Variants in DGKB observed in about 807,000 individuals in gnomAD.
DGKB encodes the protein diacylglycerol kinase beta.
Under a neutral mutation model 114.3 loss-of-function variants are expected in DGKB, and 67 were observed. The ratio of observed to expected loss-of-function variants is 0.59; its 90% confidence interval spans 0.48 to 0.72. DGKB has a LOEUF of 0.72. Among genes scored for constraint, DGKB ranks in the 30% least tolerant of loss-of-function variants. The pLI is 0.00. For synonymous variants in DGKB, 398 were observed against 323.1 expected, an observed-to-expected ratio of 1.23 and a Z score of -2.49; for missense variants, 907 against 975.2, an observed-to-expected ratio of 0.93 and a Z score of 0.93.
intron 23 of DGKB, among the ~76,000 whole-genome samples, chr7:14,275,893 C>T (rs917848896): frequency 7.2e-5 from 11 of 152,172 alleles, no homozygotes; most frequent in African/African-American, 1.4e-4. Context: ...TGACTTTGTA[C>T]AGTAGGTGAG....
At chr7:14,574,153 T>G (rs570481102) in intron 20 of DGKB, 59 bp downstream of exon 20, 1 of 1,345,020 alleles carries the variant, frequency 7.4e-7, no homozygotes, top group African/African-American at 1.5e-5. Context: ...AGTTTAAAAG[T>G]TTTCTCACTG....
Position 14,580,903 on chromosome 7 carries a change from C to T in DGKB, c.1568G>A (p.Gly523Glu). ...GCATCTTGCTAGATCATTGCCAGTC[C>T]CAAGAGGCAGAATCGCAACTGGAGG... The part of the protein sequence containing the change: ...KHPPVAILPL[G>E]TGNDLARCLR... The change falls in exon 19 of 26, where the codon GGG (glycine) becomes GAG (glutamate). Residue 523 changes from glycine (G) to glutamate (E), a missense_variant. Physicochemically the swap from Gly to Glu is moderately conservative, Grantham distance 98 (BLOSUM62 -2). Transcript: ENST00000402815. 6.2e-7 allele frequency: 1 copy of T among 1,603,742 alleles called. No homozygotes were observed. The highest frequency in any genetic ancestry group is 8.5e-7 in the Non-Finnish European group (1 of 1,172,992).
chr7:14,328,063 C>T (rs1377814544), intron 23 of DGKB, among the ~76,000 whole-genome samples: 3 of 152,012 alleles, frequency 2.0e-5, no homozygotes, highest in Non-Finnish European at 4.4e-5. Flanking sequence ...AACTTTCTTT[C>T]AGTAAATCTA....
intron 4 of DGKB, among the ~76,000 whole-genome samples, chr7:14,739,917 G>C (rs1488098745): frequency 1.3e-5 from 2 of 152,230 alleles, no homozygotes; most frequent in African/African-American, 4.8e-5. Context: ...TGCGGAAGTG[G>C]TGGCTCCCTG....
intron 21 of DGKB, among the ~76,000 whole-genome samples, chr7:14,394,939 T>C (rs1442323583): frequency 1.3e-5 from 2 of 152,100 alleles, no homozygotes; most frequent in East Asian, 3.9e-4. Context: ...AGGGTCAACT[T>C]TTCTGTATGT....
chr7:14,152,057 G>C (rs770206658), intron 25 of DGKB, among the ~76,000 whole-genome samples: 1 of 151,762 alleles, frequency 6.6e-6, no homozygotes, highest in Non-Finnish European at 1.5e-5. Context: ...GGGTTAACAG[G>C]GCCTGTAATT....
At chr7:14,644,229 C>A (rs1482206409) in intron 13 of DGKB, among the ~76,000 whole-genome samples, 1 of 151,980 alleles carries the variant, frequency 6.6e-6, no homozygotes, top group Non-Finnish European at 1.5e-5. Flanking sequence ...AAAGTGTTAC[C>A]CTATGAAAGC....
chr7:14,835,633 G>A (rs1847048412), intron 2 of DGKB, among the ~76,000 whole-genome samples: 2 of 152,112 alleles, frequency 1.3e-5, no homozygotes, highest in Non-Finnish European at 2.9e-5. Flanking sequence ...GAGGGCTAGC[G>A]TGTGATCTAA....
chr7:14,157,886 TTAACTAGAGAA>T (rs1783266836), intron 25 of DGKB, among the ~76,000 whole-genome samples: 1 of 152,228 alleles, frequency 6.6e-6, no homozygotes, highest in Non-Finnish European at 1.5e-5. Flanking sequence ...ACTTCTTTTC[TTAACTAGAGAA>T]TATTTACAAC....
intron 21 of DGKB, among the ~76,000 whole-genome samples, chr7:14,443,076 A>G (rs1484036430): frequency 6.6e-6 from 1 of 152,186 alleles, no homozygotes; most frequent in African/African-American, 2.4e-5. Context: ...TGTCTAGTTT[A>G]CTGCATAATA....
chr7:14,220,994 A>G (rs2128323014), intron 23 of DGKB, among the ~76,000 whole-genome samples: 1 of 151,394 alleles, frequency 6.6e-6, no homozygotes, highest in African/African-American at 2.4e-5. Context: ...TAGAAATACA[A>G]TTGATTCCTA....
chr7:14,205,558 A>C (rs1786644145), intron 23 of DGKB, among the ~76,000 whole-genome samples: 1 of 151,998 alleles, frequency 6.6e-6, no homozygotes, highest in South Asian at 2.1e-4. Flanking sequence ...TTAAAAAATA[A>C]GTGGATTCTA....
At chr7:14,825,046 ATATATATAT>A (rs1424693526) in intron 2 of DGKB, among the ~76,000 whole-genome samples, 1 of 142,900 alleles carries the variant, frequency 7.0e-6, no homozygotes, top group African/African-American at 2.6e-5. Flanking sequence ...ATATATATAT[ATATATATAT>A]ATCACATGTA....
intron 21 of DGKB, among the ~76,000 whole-genome samples, chr7:14,447,136 C>A (rs1414344792): frequency 2.0e-5 from 3 of 152,122 alleles, no homozygotes; most frequent in Non-Finnish European, 4.4e-5. Flanking sequence ...CCCAGGTATG[C>A]ACGGATGCAT....
intron 23 of DGKB, among the ~76,000 whole-genome samples, chr7:14,329,156 CTTTG>C (rs2128553965): frequency 1.3e-5 from 2 of 151,960 alleles, no homozygotes; most frequent in South Asian, 4.2e-4. Context: ...TGGCTAGTTG[CTTTG>C]TTTAATTCAA....
intron 20 of DGKB, among the ~76,000 whole-genome samples, chr7:14,560,548 A>T (rs1262187409): frequency 6.6e-6 from 1 of 152,152 alleles, no homozygotes. Context: ...TTTCTTTTTT[A>T]AAAAACTGAA....
chr7:14,576,129 G>C (rs539595350), intron 19 of DGKB, among the ~76,000 whole-genome samples: 1 of 152,036 alleles, frequency 6.6e-6, no homozygotes, highest in South Asian at 2.1e-4. Context: ...GAAGAGATTG[G>C]GTCTATTCAG....
chr7:14,751,201 G>T (rs1398331923), intron 4 of DGKB, among the ~76,000 whole-genome samples: 9 of 151,874 alleles, frequency 5.9e-5, no homozygotes, highest in Admixed American at 4.6e-4. Flanking sequence ...GAGTAATGTT[G>T]GTTTTAACTT....
intron 21 of DGKB, among the ~76,000 whole-genome samples, chr7:14,395,937 G>C (rs1822145966): frequency 6.6e-6 from 1 of 151,670 alleles, no homozygotes; most frequent in Non-Finnish European, 1.5e-5. Flanking sequence ...ACTTCAATAA[G>C]GTAAAATTTA....
Sources: allele counts gnomAD v4.1 joint callset (sites outside exome capture counted in the v4.1 genomes callset), GRCh38; gene constraint gnomAD v4.1.1; transcripts MANE v1.5; gene names NCBI Gene and HGNC (gene_info 2026-07-23, HGNC 2026-07-21).